Variants in DLL1 observed in about 807,000 individuals in gnomAD.
DLL1 encodes the protein delta-like protein 1.
In DLL1, 9 loss-of-function variants were observed where a neutral mutation model predicts 75.1. That is an observed-to-expected ratio of 0.12 (90% confidence interval 0.07 to 0.21). The LOEUF (loss-of-function observed/expected upper bound fraction) is 0.21, where lower values mean the gene tolerates loss of function less well. Ranked by LOEUF, DLL1 falls within the 10% of genes least tolerant of loss-of-function variation. The pLI, the probability that DLL1 is intolerant of heterozygous loss-of-function variation, is 1.00. For missense variants in DLL1, 837 were observed against 1,007.6 expected (o/e 0.83, Z 2.29); for synonymous variants, 477 against 418.3 (o/e 1.14, Z -1.71).
In DLL1 at chr6:170,290,417, C is replaced by G. The variant is rs999340810; in HGVS notation, c.-278G>C. On this transcript the variant is annotated 5_prime_UTR_variant, in exon 1 of 11. Transcript: ENST00000366756. This position sits in a 1 kb window ranked among gnomAD's most constrained non-coding sequence, Gnocchi z 4.7. ...GGGACAGCGCGGCGGCGGCGACTTT[C>G]GTTTTCCTCCTTCCTCCCAGCCCCC... The G allele has an allele frequency of 1.2e-5, 5 of 406,228 alleles. No individual in the cohort carries two copies. The highest frequency in any genetic ancestry group is 8.9e-5 in the Admixed American group (2 of 22,414). 25.2% of individuals were successfully genotyped at this position (406,228 alleles called of 1,614,324 possible).
chr6:170,286,554 C>T (rs1192416001), intron 4 of DLL1, among the ~76,000 whole-genome samples: 1 of 151,984 alleles, frequency 6.6e-6, no homozygotes, highest in Non-Finnish European at 1.5e-5. Context: ...ACCCTATCCC[C>T]TTTTCTTCTA....
Position 170,283,284 on chromosome 6 carries a change from G to C in DLL1, c.1995C>G (p.Cys665Trp), listed in dbSNP as rs1159254422. The C allele has an allele frequency of 6.2e-7, 1 of 1,613,142 alleles. No individual in the cohort carries two copies. The highest frequency in any genetic ancestry group is 1.7e-5 in the Admixed American group (1 of 60,022). ...CCTCCCCTGAGGAGCCCTGGGGCTG[G>C]CACTTGGTGTCACGCTTGCTGTGCG... ...RDAHSKRDTK[C>W]QPQGSSGEEK... is the part of the protein sequence containing the mutation. The change falls in exon 9 of 11, where the codon TGC becomes TGG. Residue 665 changes from cysteine (C) to tryptophan (W), a missense_variant. Around this residue, in one of 2 missense-constraint regions of DLL1, gnomAD observed 533 missense variants for 545.7 expected, o/e 0.98. Transcript: ENST00000366756.
rs200760383 is a variant in DLL1 at position 170,288,802 on chromosome 6, G to A, written c.352-13C>T. 5 of 1,613,886 alleles carry A rather than the reference G, an allele frequency of 3.1e-6. No individual in the cohort carries two copies. Among genetic ancestry groups the A allele is most frequent in the South Asian group, 2.2e-5 (2 of 91,076 alleles). On this transcript the variant is annotated splice_polypyrimidine_tract_variant and intron_variant, in intron 2 of 10. Transcript: ENST00000366756. ...GAGAGAAGGTGCCCTGGGAGAGAGGGGAGAAGACGTTAGACAACCCAGAAA... is the reference window on the plus strand; with the variant it reads ...GAGAGAAGGTGCCCTGGGAGAGAGGAGAGAAGACGTTAGACAACCCAGAAA...
chr6:170,283,246 G>A lies in DLL1; in HGVS notation c.2033C>T (p.Pro678Leu), dbSNP rs199728521. 64 of 1,612,560 alleles carry A rather than the reference G, an allele frequency of 4.0e-5. No homozygotes were observed. The highest frequency in any genetic ancestry group is 1.3e-4 in the African/African-American group (10 of 75,016). The change falls in exon 9 of 11, where the codon CCG (proline) becomes CTG (leucine). Residue 678 changes from proline (P) to leucine (L), a missense_variant. Physicochemically the swap from Pro to Leu is moderately conservative, Grantham distance 98. This residue lies in a region of DLL1 where 533 missense variants were observed against 545.7 expected (regional missense o/e 0.98). Transcript: ENST00000366756. ...CAGCACGCACCCCCTGAGTGTGGTC[G>A]GGGTCCCCTTCTCCTCCCCTGAGGA... ...QGSSGEEKGT[P>L]TTLRGGEASE...
In DLL1 at chr6:170,283,213, C is replaced by T. The variant is rs2114957254; in HGVS notation, c.2048+18G>A. The stretch of plus-strand genomic sequence containing the variant: ...CCCCCCAGGTACCCCCTCCTGATGC[C>T]CGGCCCGCAGCACGCACCCCCTGAG... On this transcript the variant is annotated intron_variant, in intron 9 of 10. Transcript: ENST00000366756. 1 of 1,612,986 alleles carries T rather than the reference C, an allele frequency of 6.2e-7. No homozygotes were observed. Among genetic ancestry groups the T allele is most frequent in the Non-Finnish European group, 8.5e-7 (1 of 1,179,860 alleles).
In DLL1 at chr6:170,285,255, G is replaced by C; in HGVS notation, c.1031C>G (p.Thr344Arg). 1.2e-6 allele frequency: 2 copies of C among 1,614,132 alleles called. No homozygotes were observed. Among genetic ancestry groups the C allele is most frequent in the Non-Finnish European group, 1.7e-6 (2 of 1,180,036 alleles). Residue 344 changes from threonine (T) to arginine (R), a missense_variant and splice_region_variant, in exon 7 of 11, where the codon ACG becomes AGG. This residue lies in a region of DLL1 where 533 missense variants were observed against 545.7 expected (regional missense o/e 0.98). Coordinates refer to ENST00000366756, the MANE Select transcript of DLL1 (RefSeq NM_005618.4). ...GATGCCATGGAGCCTCCGACTCACC[G>C]TGCAGCTCCCTCCGTTCTTACAAGG... The part of the protein sequence containing the change: ...PSPCKNGGSC[T>R]DLENSYSCTC...
rs41269633 is a variant in DLL1, at chr6:170,283,903, C to A, written c.1376G>T (p.Arg459Leu). ...GCAGGAGAAGTCGTTCACGCCATCC[C>A]GGCAGGTGCCCCCGTTGGCGCACGG... Reference protein sequence around the residue: ...SSPCANGGTCRDGVNDFSCTC... With the variant: ...SSPCANGGTCLDGVNDFSCTC... Residue 459 changes from arginine to leucine, a missense_variant, in exon 9 of 11, where the codon CGG becomes CTG. By Grantham distance (102) the Arg-to-Leu change is moderately radical. Transcript: ENST00000366756. 4 of 1,604,686 alleles carry A rather than the reference C, an allele frequency of 2.5e-6. No homozygotes were observed. In the South Asian group the frequency reaches 4.4e-5, roughly 18 times the overall value.
At chr6:170,285,528 G>C (rs543495098) in intron 6 of DLL1, 41 bp downstream of exon 6, 2 of 1,614,200 alleles carry the variant, frequency 1.2e-6, no homozygotes, top group South Asian at 2.2e-5. Context: ...GTCCAGGGCT[G>C]CTCTGGAGGG....
chr6:170,283,416 G>A lies in DLL1; in HGVS notation c.1863C>T (p.Phe621=), dbSNP rs767408730. The change falls in exon 9 of 11, where the codon TTC becomes TTT. Residue 621 remains phenylalanine (F), a synonymous_variant. Transcript: ENST00000366756. ...QIKNTNKKAD[F]HGDHSADKNG... Reference sequence around the variant, plus strand: ...TCTTGTCGGCGCTGTGGTCCCCGTGGAAGTCCGCCTTCTTGTTGGTGTTCT... The same window carrying A: ...TCTTGTCGGCGCTGTGGTCCCCGTGAAAGTCCGCCTTCTTGTTGGTGTTCT... 8.7e-6 allele frequency: 14 copies of A among 1,611,110 alleles called. No homozygotes were observed. The East Asian group carries it at 2.9e-4, about 33-fold the overall frequency.
chr6:170,288,878 G>A, intron 2 of DLL1, 89 bp from the exon 3 acceptor site: 1 of 1,437,268 alleles, frequency 7.0e-7, no homozygotes, highest in Non-Finnish European at 9.8e-7. Context: ...AGCCAGGTCA[G>A]CAACAGAGGC....
chr6:170,283,099 T>C lies in DLL1; in HGVS notation c.2055A>G (p.Glu685=), dbSNP rs1371495511. 3.7e-6 allele frequency: 6 copies of C among 1,614,026 alleles called. No individual in the cohort carries two copies. Among genetic ancestry groups the C allele is most frequent in the South Asian group, 2.2e-5 (2 of 91,096 alleles). The part of the protein sequence containing the change: ...KGTPTTLRGG[E]ASERKRPDSG... ...AGTCCGGCCTTTTTCTTTCAGATGCTTCTCCACTAAAAGGAAAATAGAGAA... is the reference window on the plus strand; with the variant it reads ...AGTCCGGCCTTTTTCTTTCAGATGCCTCTCCACTAAAAGGAAAATAGAGAA... Residue 685 remains glutamate (E), a synonymous_variant, in exon 10 of 11, where the codon GAA becomes GAG. Coordinates refer to ENST00000366756, the MANE Select transcript of DLL1 (RefSeq NM_005618.4).
In DLL1 at chr6:170,286,332, C is replaced by A. The variant is rs374965980; in HGVS notation, c.671-34G>T. ...AAAGGAAAAACAGGGTCAAGCCCCA[C>A]GCCAAGTACGTCCCAACAGGGCTGC... On this transcript the variant is annotated intron_variant, in intron 4 of 10. Coordinates refer to ENST00000366756, the MANE Select transcript of DLL1 (RefSeq NM_005618.4). 1.4e-5 allele frequency: 23 copies of A among 1,613,902 alleles called. No individual in the cohort carries two copies. The East Asian group carries it at 4.0e-4, about 28-fold the overall frequency.
In DLL1 at chr6:170,282,673, C is replaced by A; in HGVS notation, c.*201G>T. The A allele has an allele frequency of 1.3e-6, 1 of 749,438 alleles. No individual in the cohort carries two copies. The highest frequency in any genetic ancestry group is 2.3e-6 in the Non-Finnish European group (1 of 432,358). The allele number at this position is 749,438 out of a possible 1,614,324, so 46.4% of individuals were successfully genotyped here. A position where few individuals can be genotyped will look rare whatever the true frequency, so the allele number is the denominator to read the frequency against. ...AGTGCAACGGCGACGTCACGGAAGG[C>A]AGTGCCGCAGGCGGCCGGGCCGCGA... On this transcript the variant is annotated 3_prime_UTR_variant, in exon 11 of 11. Coordinates refer to ENST00000366756, the MANE Select transcript of DLL1 (RefSeq NM_005618.4).
In DLL1 at chr6:170,282,732, G is replaced by A; in HGVS notation, c.*142C>T. On this transcript the variant is annotated 3_prime_UTR_variant, in exon 11 of 11. Coordinates refer to ENST00000366756, the MANE Select transcript of DLL1 (RefSeq NM_005618.4). ...CGGCAGGCGTCGAGGACCTCAGGAG[G>A]AGAACCTGCTCGGTCTGAACTCGGT... The A allele has an allele frequency of 7.0e-7, 1 of 1,434,186 alleles. No individual in the cohort carries two copies. The highest frequency in any genetic ancestry group is 9.8e-7 in the Non-Finnish European group (1 of 1,019,946). The allele number at this position is 1,434,186 out of a possible 1,614,324, so 88.8% of individuals were successfully genotyped here. A position where few individuals can be genotyped will look rare whatever the true frequency, so the allele number is the denominator to read the frequency against.
intron 6 of DLL1, 73 bp from the exon 7 acceptor site, chr6:170,285,496 C>T (rs1783678492): frequency 1.2e-6 from 2 of 1,613,972 alleles, no homozygotes; most frequent in South Asian, 1.1e-5. Flanking sequence ...TTTATTTTTC[C>T]AGTGATCAAA....
chr6:170,286,394 T>A, intron 4 of DLL1, 96 bp from the exon 5 acceptor site: 1 of 1,464,326 alleles, frequency 6.8e-7, no homozygotes, highest in Non-Finnish European at 9.6e-7. Context: ...CCGGCTTCAG[T>A]CAGCAAATCC....
rs1208823348 is a variant in DLL1 at position 170,283,252 on chromosome 6, C to T, written c.2027G>A (p.Gly676Glu). 1.9e-6 allele frequency: 3 copies of T among 1,612,750 alleles called. No individual in the cohort carries two copies. Among genetic ancestry groups the T allele is most frequent in the Non-Finnish European group, 2.5e-6 (3 of 1,179,920 alleles). Residue 676 changes from glycine to glutamate, a missense_variant, in exon 9 of 11, where the codon GGG becomes GAG. By Grantham distance (98) the Gly-to-Glu change is moderately conservative (BLOSUM62 -2). This residue lies in a region of DLL1 where 533 missense variants were observed against 545.7 expected (regional missense o/e 0.98). Transcript: ENST00000366756. ...GCACCCCCTGAGTGTGGTCGGGGTC[C>T]CCTTCTCCTCCCCTGAGGAGCCCTG... Reference protein sequence around the residue: ...QPQGSSGEEKGTPTTLRGGEA... With the variant: ...QPQGSSGEEKETPTTLRGGEA...
Position 170,290,241 on chromosome 6 carries a change from A to C in DLL1, c.-102T>G. The C allele has an allele frequency of 7.1e-7, 1 of 1,410,028 alleles. No individual in the cohort carries two copies. The highest frequency in any genetic ancestry group is 1.9e-5 in the Admixed American group (1 of 51,536). The allele number at this position is 1,410,028 out of a possible 1,614,324, so 87.3% of individuals were successfully genotyped here. On this transcript the variant is annotated 5_prime_UTR_variant, in exon 1 of 11. Transcript: ENST00000366756. This position sits in a 1 kb window ranked among gnomAD's most constrained non-coding sequence, Gnocchi z 4.7. The stretch of plus-strand genomic sequence containing the variant: ...ATGGGCCACGGGGAGCGTGGGCAGA[A>C]AAGCGCCCTTGCCTCGCCCCAGACC...
Position 170,290,146 on chromosome 6 carries a change from T to G in DLL1, c.-7A>C. On this transcript the variant is annotated 5_prime_UTR_variant, in exon 1 of 11. Transcript: ENST00000366756. This position sits in a 1 kb window ranked among gnomAD's most constrained non-coding sequence, Gnocchi z 4.7. Reference sequence around the variant, plus strand: ...GCGCGCACCGACTGCCCATGCTGCTTCGCTCCACGCGCGAGCCTGGGGGGC... The same window carrying G: ...GCGCGCACCGACTGCCCATGCTGCTGCGCTCCACGCGCGAGCCTGGGGGGC... 6.3e-7 allele frequency: 1 copy of G among 1,593,310 alleles called. No homozygotes were observed. The highest frequency in any genetic ancestry group is 8.5e-7 in the Non-Finnish European group (1 of 1,177,664).
Sources: allele counts gnomAD v4.1 joint callset (sites outside exome capture counted in the v4.1 genomes callset), GRCh38; gene constraint gnomAD v4.1.1; regional missense constraint gnomAD v4.1.1; non-coding constraint Gnocchi (gnomAD v3.1); transcripts MANE v1.5; gene names NCBI Gene and HGNC (gene_info 2026-07-23, HGNC 2026-07-21).